Variants in SYT6 observed in about 807,000 individuals in gnomAD.
SYT6 encodes the protein synaptotagmin 6.
SYT6 carries 24 observed loss-of-function variants against 38.4 expected under a neutral mutation model. The ratio of observed to expected loss-of-function variants is 0.62; its 90% CI spans 0.45 to 0.88. The LOEUF is 0.88. Among genes scored for constraint, SYT6 ranks in the 40% least tolerant of loss-of-function variants. The pLI, the probability that SYT6 is intolerant of heterozygous loss-of-function variation, is 0.00. For missense variants in SYT6, 611 were observed against 621.0 expected, an observed-to-expected ratio of 0.98 and a Z score of 0.17; for synonymous variants, 265 against 241.9, an observed-to-expected ratio of 1.10 and a Z score of -0.89.
intron 3 of SYT6, among the ~76,000 whole-genome samples, chr1:114,112,625 C>T (rs1676752992): frequency 6.6e-6 from 1 of 152,188 alleles, no homozygotes; most frequent in African/African-American, 2.4e-5. Context: ...GCAGTAATGC[C>T]TGGTCAAGCC....
chr1:114,137,359 G>T (rs1473400060), intron 3 of SYT6, 136 bp downstream of exon 3: 1 of 999,692 alleles, frequency 1.0e-6, no homozygotes, highest in South Asian at 1.7e-5. Context: ...GGGCCACTGG[G>T]CAGTTTCCAG....
intron 3 of SYT6, among the ~76,000 whole-genome samples, chr1:114,134,825 A>C (rs1225159390): frequency 6.6e-6 from 1 of 152,226 alleles, no homozygotes; most frequent in Non-Finnish European, 1.5e-5. Flanking sequence ...GGCTGCGCTC[A>C]TCTCATCAGT....
intron 1 of SYT6, among the ~76,000 whole-genome samples, chr1:114,146,636 A>G (rs1679170175): frequency 6.6e-6 from 1 of 152,208 alleles, no homozygotes; most frequent in African/African-American, 2.4e-5. Flanking sequence ...GCCTCCAGTA[A>G]GGGAGAGAGG....
chr1:114,124,111 C>G (rs532546085), intron 3 of SYT6, among the ~76,000 whole-genome samples: 25 of 152,310 alleles, frequency 1.6e-4, no homozygotes, highest in Non-Finnish European at 2.5e-4. Flanking sequence ...TAAGGAGGGG[C>G]CTCTCTCTGC....
At chr1:114,097,051 T>A (rs1177186375) in intron 6 of SYT6, among the ~76,000 whole-genome samples, 1 of 152,148 alleles carries the variant, frequency 6.6e-6, no homozygotes, top group African/African-American at 2.4e-5. Flanking sequence ...TTCTTTGCAG[T>A]TGAGGGAGAA....
intron 1 of SYT6, among the ~76,000 whole-genome samples, chr1:114,148,949 G>A (rs952914460): frequency 6.6e-6 from 1 of 152,158 alleles, no homozygotes; most frequent in African/African-American, 2.4e-5. Context: ...GGAGTCCCAG[G>A]CTGGACAGAG....
chr1:114,133,709 A>T (rs684152), intron 3 of SYT6, among the ~76,000 whole-genome samples: 1 of 152,206 alleles, frequency 6.6e-6, no homozygotes, highest in Non-Finnish European at 1.5e-5. Flanking sequence ...CATGCAATGC[A>T]CGAGGCCTCC....
Position 114,090,584 on chromosome 1 carries a change from G to T in SYT6, c.*1550C>A, listed in dbSNP as rs900720365. 3 of 152,346 alleles carry T rather than the reference G, an allele frequency of 2.0e-5. No homozygotes were observed. Among genetic ancestry groups the T allele is most frequent in the Non-Finnish European group, 4.4e-5 (3 of 68,048 alleles). 9.4% of individuals were successfully genotyped at this position (152,346 alleles called of 1,614,324 possible). The stretch of plus-strand genomic sequence containing the variant: ...TATAAAGAATAAGACACAGGTGTGT[G>T]AACAGATTTTCTGTTCTTGATTTTC... On this transcript the variant is annotated 3_prime_UTR_variant, in exon 8 of 8. Coordinates refer to ENST00000610222, the MANE Select transcript of SYT6 (RefSeq NM_001253772.2).
chr1:114,112,074 T>A (rs1676719054), intron 3 of SYT6, among the ~76,000 whole-genome samples: 1 of 152,142 alleles, frequency 6.6e-6, no homozygotes, highest in Non-Finnish European at 1.5e-5. Flanking sequence ...CTGAGTTCCA[T>A]GCCTGCTTTT....
At chr1:114,101,383 G>A (rs73003979) in intron 4 of SYT6, among the ~76,000 whole-genome samples, 2,504 of 152,162 alleles carry the variant, frequency 0.016, 61 homozygotes, top group African/African-American at 0.054. Flanking sequence ...GATGCTCTAC[G>A]CAGCTGAGGG....
Position 114,102,212 on chromosome 1 carries a change from C to T in SYT6, c.1192+1389G>A, listed in dbSNP as rs1170788851. On this transcript the variant is annotated intron_variant, in intron 4 of 7. Transcript: ENST00000610222. ...AGTGAATTTTCTTCCCTGTTATGCA[C>T]TTATTTTGGTATTAAAATGAAATCT... Among the ~76,000 whole-genome samples the T allele has an allele frequency of 3.3e-5, 5 of 152,204 alleles. No individual in the cohort carries two copies. The South Asian group carries it at 1.0e-3, about 31-fold the overall frequency.
At chr1:114,105,549 G>A (rs1676247289) in intron 3 of SYT6, among the ~76,000 whole-genome samples, 1 of 152,030 alleles carries the variant, frequency 6.6e-6, no homozygotes, top group Admixed American at 6.5e-5. Context: ...ACACTGTGGA[G>A]ACAGCCACCC....
chr1:114,122,506 T>TGTGTGTGTGTGTGC (rs60780339), intron 3 of SYT6, among the ~76,000 whole-genome samples: 1 of 147,282 alleles, frequency 6.8e-6, no homozygotes, highest in Non-Finnish European at 1.5e-5. Flanking sequence ...TGTGTGTGTG[T>TGTGTGTGTGTGTGC]GCGCGCACAT....
At chr1:114,106,771 C>A (rs1287075082) in intron 3 of SYT6, among the ~76,000 whole-genome samples, 1 of 152,148 alleles carries the variant, frequency 6.6e-6, no homozygotes, top group Non-Finnish European at 1.5e-5. Context: ...CTCTCCCGAA[C>A]ACCCCTGCAG....
At chr1:114,128,267 GC>G (rs1448103927) in intron 3 of SYT6, among the ~76,000 whole-genome samples, 7 of 152,198 alleles carry the variant, frequency 4.6e-5, no homozygotes, top group African/African-American at 1.7e-4. Context: ...GGACCTGCAT[GC>G]GGGAGTCCAG....
intron 3 of SYT6, among the ~76,000 whole-genome samples, chr1:114,135,906 G>A (rs1246329632): frequency 6.6e-6 from 1 of 152,220 alleles, no homozygotes; most frequent in Non-Finnish European, 1.5e-5. Flanking sequence ...GAGACCACAG[G>A]GAAGAGCTGC....
chr1:114,109,842 T>C (rs983800179), intron 3 of SYT6, among the ~76,000 whole-genome samples: 1 of 152,188 alleles, frequency 6.6e-6, no homozygotes, highest in African/African-American at 2.4e-5. Context: ...TGATATTTGA[T>C]AGGATCTAGA....
chr1:114,149,905 G>A (rs1240718523), intron 1 of SYT6, among the ~76,000 whole-genome samples: 1 of 152,166 alleles, frequency 6.6e-6, no homozygotes, highest in Non-Finnish European at 1.5e-5. Context: ...GGAGGGTCCA[G>A]ATCTGGATGC....
intron 6 of SYT6, among the ~76,000 whole-genome samples, chr1:114,094,435 G>A (rs1252947383): frequency 6.6e-6 from 1 of 152,210 alleles, no homozygotes; most frequent in Admixed American, 6.5e-5. Context: ...CCTTGGAGAA[G>A]AGCGCTGGTC....
Sources: allele counts gnomAD v4.1 joint callset (sites outside exome capture counted in the v4.1 genomes callset), GRCh38; gene constraint gnomAD v4.1.1; transcripts MANE v1.5; gene names NCBI Gene and HGNC (gene_info 2026-07-23, HGNC 2026-07-21).